ZNF831: variants seen among roughly 807,000 people sequenced by gnomAD.
The protein encoded by ZNF831 is chromosome 20 open reading frame 174.
A neutral mutation model predicts 95.8 loss-of-function variants in ZNF831; 59 were observed. The observed-to-expected ratio is 0.62, with a 90% confidence interval of 0.50 to 0.77. The LOEUF (loss-of-function observed/expected upper bound fraction) is 0.77. ZNF831 is among the 30% of genes least tolerant of loss of function. ZNF831 has a pLI of 0.00. For missense variants in ZNF831, 2,205 were observed against 2,164.0 expected, an observed-to-expected ratio of 1.02 and a Z score of -0.38; for synonymous variants, 961 against 925.5, an observed-to-expected ratio of 1.04 and a Z score of -0.70.
rs536197556 is a variant in ZNF831 at position 59,191,172 on chromosome 20, C to A, written c.153C>A (p.Pro51=). Reference sequence around the variant, plus strand: ...CGCCAGAGCAGGGCCTGGCCCCCCCCACTGTGTTCCTGAAGGCCCTGCCCA... The same window carrying A: ...CGCCAGAGCAGGGCCTGGCCCCCCCAACTGTGTTCCTGAAGGCCCTGCCCA... ...LLPPEQGLAP[P]TVFLKALPIP... The change falls in exon 2 of 6, where the codon CCC becomes CCA. Residue 51 remains proline (P), a synonymous_variant. Transcript: ENST00000371030. 21 of 1,601,862 alleles carry A rather than the reference C, an allele frequency of 1.3e-5. No homozygotes were observed. The highest frequency in any genetic ancestry group is 4.4e-5 in the South Asian group (4 of 90,226).
At chr20:59,157,204 A>G (rs1375879131) in intron 2 of ZNF831, among the ~76,000 whole-genome samples, 2 of 152,140 alleles carry the variant, frequency 1.3e-5, no homozygotes, top group South Asian at 2.1e-4. Context: ...AACCATCCCC[A>G]CTTTCCCGCC....
chr20:59,224,492 C>G (rs557360145), intron 4 of ZNF831, among the ~76,000 whole-genome samples: 18 of 152,298 alleles, frequency 1.2e-4, no homozygotes, highest in African/African-American at 4.3e-4. Context: ...TCTAATTGCC[C>G]CATTGCCTTG....
At chr20:59,135,663 G>A (rs926707694) in intron 1 of ZNF831, among the ~76,000 whole-genome samples, 3 of 152,102 alleles carry the variant, frequency 2.0e-5, no homozygotes, top group South Asian at 2.1e-4. Context: ...CCCGGGGGGC[G>A]GAGCTGGCAG....
At chr20:59,240,765 G>A (rs979107690) in intron 4 of ZNF831, among the ~76,000 whole-genome samples, 1 of 152,160 alleles carries the variant, frequency 6.6e-6, no homozygotes, top group Admixed American at 6.5e-5. Context: ...TGGCGCCACT[G>A]CACTCCAGCC....
chr20:59,188,955 T>G (rs1983285937), intron 1 of ZNF831, among the ~76,000 whole-genome samples: 1 of 152,158 alleles, frequency 6.6e-6, no homozygotes, highest in African/African-American at 2.4e-5. Flanking sequence ...CTGAGGCCAG[T>G]GGATCACCCG....
chr20:59,255,912 A>G lies in ZNF831; in HGVS notation c.*1169A>G, dbSNP rs1362559930. The G allele has an allele frequency of 6.6e-6, 1 of 152,234 alleles. No homozygotes were observed. Among genetic ancestry groups the G allele is most frequent in the Non-Finnish European group, 1.5e-5 (1 of 68,050 alleles). The allele number at this position is 152,234 out of a possible 1,614,324, so 9.4% of individuals were successfully genotyped here. A position where few individuals can be genotyped will look rare whatever the true frequency, so the allele number is the denominator to read the frequency against. On this transcript the variant is annotated 3_prime_UTR_variant, in exon 6 of 6. Coordinates refer to ENST00000371030, the MANE Select transcript of ZNF831 (RefSeq NM_178457.3). Reference sequence around the variant, plus strand: ...GTGCAGAAGAAAACAGATCTACGTCAGCCAGCCCGGGGGGCAAAGCCTCAG... The same window carrying G: ...GTGCAGAAGAAAACAGATCTACGTCGGCCAGCCCGGGGGGCAAAGCCTCAG...
At chr20:59,143,895 A>G (rs1471772135) in intron 1 of ZNF831, among the ~76,000 whole-genome samples, 3 of 152,364 alleles carry the variant, frequency 2.0e-5, no homozygotes, top group Admixed American at 6.5e-5. Context: ...GTGAAGGTCA[A>G]CAAATAATTT....
chr20:59,194,684 A>G lies in ZNF831; in HGVS notation c.3665A>G (p.Asn1222Ser), dbSNP rs77134444. 3,189 of 1,611,686 alleles carry G rather than the reference A, an allele frequency of 2.0e-3. 65 individuals are homozygous for G. The East Asian group carries it at 0.032, about 16-fold the overall frequency. The change falls in exon 2 of 6, where the codon AAT becomes AGT. Residue 1222 changes from asparagine to serine, a missense_variant. Physicochemically the swap from Asn to Ser is conservative, Grantham distance 46 (BLOSUM62 1). Transcript: ENST00000371030. ...AGCAGCCTCCGAGATGAGGGTCCCA[A>G]TGGCCCTCCTGGGAGCAATGGAGGA... ...PGSSLRDEGP[N>S]GPPGSNGGWT... is the part of the protein sequence containing the mutation.
chr20:59,195,654 G>A lies in ZNF831; in HGVS notation c.3739-215G>A, dbSNP rs879894991. On this transcript the variant is annotated intron_variant, in intron 2 of 5. Coordinates refer to ENST00000371030, the MANE Select transcript of ZNF831 (RefSeq NM_178457.3). The stretch of plus-strand genomic sequence containing the variant: ...ACCGATGGCATAGGCTTTCCTCTGC[G>A]GATCAAGCCCAGGCGGGGTTTCAGG... The A allele has an allele frequency of 2.8e-5, 14 of 507,468 alleles. No individual in the cohort carries two copies. The Admixed American group carries it at 8.3e-4, about 30-fold the overall frequency. 31.4% of individuals were successfully genotyped at this position (507,468 alleles called of 1,614,324 possible).
At position 59,254,096 on chromosome 20, in the gene ZNF831, C is replaced by G. The variant is rs867004960; in HGVS notation, c.4387C>G (p.Pro1463Ala). ...SQDSVSTDPK[P>A]YIFSDAQRPS... ...GGATTCAGTCTCAACAGATCCCAAA[C>G]CATACATCTTCTCAGATGCTCAAAG... Residue 1463 changes from proline to alanine, a missense_variant, in exon 6 of 6, where the codon CCA becomes GCA. Physicochemically the swap from Pro to Ala is conservative, Grantham distance 27 (BLOSUM62 -1). Coordinates refer to ENST00000371030, the MANE Select transcript of ZNF831 (RefSeq NM_178457.3). The surrounding 1 kb of genome is among the most constrained non-coding windows in gnomAD (Gnocchi z 4.5). 6.2e-7 allele frequency: 1 copy of G among 1,614,000 alleles called. No individual in the cohort carries two copies. Among genetic ancestry groups the G allele is most frequent in the Non-Finnish European group, 8.5e-7 (1 of 1,180,046 alleles).
At chr20:59,246,182 T>TG (rs567484356) in intron 4 of ZNF831, among the ~76,000 whole-genome samples, 1 of 152,168 alleles carries the variant, frequency 6.6e-6, no homozygotes, top group African/African-American at 2.4e-5. Flanking sequence ...GGGATGGGTC[T>TG]GGGGGTCTCT....
intron 4 of ZNF831, among the ~76,000 whole-genome samples, chr20:59,209,420 A>G (rs1290881661): frequency 6.6e-6 from 1 of 152,180 alleles, no homozygotes; most frequent in Non-Finnish European, 1.5e-5. Flanking sequence ...TCTTTTGGAA[A>G]TCTGGATGTA....
intron 1 of ZNF831, among the ~76,000 whole-genome samples, chr20:59,186,691 C>T (rs1457263796): frequency 2.6e-5 from 4 of 152,182 alleles, no homozygotes; most frequent in East Asian, 3.9e-4. Context: ...TCTTCCATTC[C>T]TATTAGCTCT....
chr20:59,182,955 TG>T (rs1982736266), intron 1 of ZNF831, among the ~76,000 whole-genome samples: 1 of 152,202 alleles, frequency 6.6e-6, no homozygotes, highest in Non-Finnish European at 1.5e-5. Context: ...TCTTGCTCTC[TG>T]GGAACATTCA....
At chr20:59,220,219 C>CT (rs1433315973) in intron 4 of ZNF831, among the ~76,000 whole-genome samples, 2 of 152,182 alleles carry the variant, frequency 1.3e-5, no homozygotes, top group African/African-American at 4.8e-5. Context: ...CAAATAGAAT[C>CT]AGTGGATGAG....
At chr20:59,180,438 G>A (rs1444242696) in intron 1 of ZNF831, among the ~76,000 whole-genome samples, 3 of 152,172 alleles carry the variant, frequency 2.0e-5, no homozygotes, top group South Asian at 2.1e-4. Context: ...GTGCCATGGT[G>A]GTTTGCTACA....
In ZNF831 at chr20:59,254,723, C is replaced by T. The variant is rs769183555; in HGVS notation, c.5014C>T (p.Arg1672Ter). ...TGACACCAGCAGCGACGATGAAGACCGATTAGTTATAGAAATATGAAGCTT... is the reference window on the plus strand; with the variant it reads ...TGACACCAGCAGCGACGATGAAGACTGATTAGTTATAGAAATATGAAGCTT... ...FSDTSSDDED[R>*]LVIEI The change falls in exon 6 of 6, where the codon CGA becomes TGA. Residue 1672 changes from arginine (R) to a stop codon, truncating the protein, a stop_gained. Transcript: ENST00000371030. LOFTEE classifies it high-confidence loss of function. This position sits in a 1 kb window ranked among gnomAD's most constrained non-coding sequence, Gnocchi z 4.5. 10 of 1,609,766 alleles carry T rather than the reference C, an allele frequency of 6.2e-6. No individual in the cohort carries two copies. Among genetic ancestry groups the T allele is most frequent in the East Asian group, 4.5e-5 (2 of 44,742 alleles).
chr20:59,135,509 A>G (rs1979474044), intron 1 of ZNF831, among the ~76,000 whole-genome samples: 1 of 152,230 alleles, frequency 6.6e-6, no homozygotes, highest in South Asian at 2.1e-4. Context: ...AGGCGGGCAG[A>G]TCATGAGGTC....
chr20:59,125,332 GTGCTGGCTTC>G (rs1324065457), intron 1 of ZNF831, among the ~76,000 whole-genome samples: 1 of 152,216 alleles, frequency 6.6e-6, no homozygotes. Context: ...CAATTCAGAA[GTGCTGGCTTC>G]TGTGACTTGC....
Sources: allele counts gnomAD v4.1 joint callset (sites outside exome capture counted in the v4.1 genomes callset), GRCh38; gene constraint gnomAD v4.1.1; non-coding constraint Gnocchi (gnomAD v3.1); transcripts MANE v1.5; gene names NCBI Gene and HGNC (gene_info 2026-07-23, HGNC 2026-07-21).